ANKRD45: variants seen among roughly 807,000 people sequenced by gnomAD.
ANKRD45 encodes ankyrin repeat domain 45, also known as ankyrin repeat domain-containing protein 45.
In ANKRD45, 21 loss-of-function variants were observed where a neutral mutation model predicts 28.1. That is an observed-to-expected ratio of 0.75 (90% CI 0.53 to 1.08). ANKRD45 has a LOEUF of 1.08. Ranked by LOEUF, ANKRD45 falls within the 50% of genes least tolerant of loss-of-function variation. ANKRD45 has a pLI of 0.00. For synonymous variants in ANKRD45, 86 were observed against 103.9 expected, an observed-to-expected ratio of 0.83 and a Z score of 1.05; for missense variants, 261 against 308.7, an observed-to-expected ratio of 0.85 and a Z score of 1.16.
At chr1:173,691,353 G>C in the ANKRD45 span, among the ~76,000 whole-genome samples, 1 of 152,222 alleles carries the variant, frequency 6.6e-6, no homozygotes, top group Non-Finnish European at 1.5e-5. Context: ...CTCCTCACGA[G>C]AGTGAACCAG....
chr1:173,659,095 G>A lies in ANKRD45; in HGVS notation c.324C>T (p.Thr108=). The A allele has an allele frequency of 6.2e-7, 1 of 1,613,032 alleles. No homozygotes were observed. Among genetic ancestry groups the A allele is most frequent in the Non-Finnish European group, 8.5e-7 (1 of 1,179,422 alleles). ...GAGAGAAAAAAGACAAAATACCTCT[G>A]GTGGTTTTTTCATTCAGATTCACAC... ...KYGVNLNEKT[T]RGYTLLHCAA... is the part of the protein sequence containing the mutation. Residue 108 remains threonine, a synonymous_variant, in exon 2 of 6, where the codon ACC becomes ACT. Transcript: ENST00000333279.
chr1:173,656,282 GTTTC>G (rs1412417259), intron 2 of ANKRD45, among the ~76,000 whole-genome samples: 3 of 152,126 alleles, frequency 2.0e-5, no homozygotes, highest in Non-Finnish European at 2.9e-5. Flanking sequence ...CTTATTCCTA[GTTTC>G]TTTATCATTT....
chr1:173,664,971 A>G (rs954458786), intron 1 of ANKRD45, among the ~76,000 whole-genome samples: 7 of 152,172 alleles, frequency 4.6e-5, no homozygotes, highest in African/African-American at 7.2e-5. Flanking sequence ...TTTTGTAGGA[A>G]TAACACTAGA....
At chr1:173,688,022 A>T in the ANKRD45 span, among the ~76,000 whole-genome samples, 1 of 144,832 alleles carries the variant, frequency 6.9e-6, no homozygotes, top group African/African-American at 2.6e-5. Context: ...ATTGCCTCAT[A>T]CTTTCTTCTG....
intron 5 of ANKRD45, among the ~76,000 whole-genome samples, chr1:173,613,251 T>TGGGAGGTGA (rs1226897751): frequency 1.0e-4 from 15 of 150,674 alleles, no homozygotes; most frequent in African/African-American, 3.7e-4. Flanking sequence ...CGACCCCGTC[T>TGGGAGGTGA]GGGAGGTGAG....
At chr1:173,629,860 A>G (rs1291667397) in intron 3 of ANKRD45, among the ~76,000 whole-genome samples, 1 of 152,216 alleles carries the variant, frequency 6.6e-6, no homozygotes, top group Non-Finnish European at 1.5e-5. Flanking sequence ...GACTACCTCA[A>G]GGTATTTAGT....
chr1:173,658,579 T>A (rs1490329840), intron 2 of ANKRD45: 1 of 152,184 alleles, frequency 6.6e-6, no homozygotes, highest in African/African-American at 2.4e-5. Context: ...ATCTTTTTTT[T>A]ATTTTCTACC....
chr1:173,672,170 G>C (rs1347082650), upstream of ANKRD45, among the ~76,000 whole-genome samples: 1 of 152,052 alleles, frequency 6.6e-6, no homozygotes, highest in Non-Finnish European at 1.5e-5. Flanking sequence ...GAATAAATTT[G>C]AATTTTTTCA....
chr1:173,649,386 T>A (rs533655147), intron 2 of ANKRD45, among the ~76,000 whole-genome samples: 1 of 152,300 alleles, frequency 6.6e-6, no homozygotes, highest in South Asian at 2.1e-4. Context: ...CTGTCAAATA[T>A]TTAAATTTTT....
intron 1 of ANKRD45, among the ~76,000 whole-genome samples, chr1:173,664,283 GTC>G (rs1669913532): frequency 1.3e-5 from 2 of 152,164 alleles, no homozygotes; most frequent in South Asian, 4.1e-4. Context: ...TCTCAAAAGT[GTC>G]TGTTATTATT....
intron 5 of ANKRD45, among the ~76,000 whole-genome samples, chr1:173,612,011 A>G (rs1023234664): frequency 1.3e-5 from 2 of 152,206 alleles, no homozygotes; most frequent in Non-Finnish European, 2.9e-5. Context: ...TGGGAGGCCG[A>G]GGCAAGTAGA....
upstream of ANKRD45, among the ~76,000 whole-genome samples, chr1:173,670,946 G>A (rs1038406620): frequency 4.6e-5 from 7 of 152,188 alleles, no homozygotes; most frequent in Admixed American, 3.9e-4. Context: ...AAGATCGGGT[G>A]TCTGGTGAGC....
intron 1 of ANKRD45, chr1:173,667,538 C>T (rs1670076106): frequency 8.3e-6 from 2 of 239,558 alleles, no homozygotes; most frequent in Middle Eastern, 1.3e-3. Flanking sequence ...CCCGTCTCTA[C>T]TAAAAACACA....
At chr1:173,661,501 C>A (rs373246148) in intron 1 of ANKRD45, among the ~76,000 whole-genome samples, 1 of 152,114 alleles carries the variant, frequency 6.6e-6, no homozygotes, top group Non-Finnish European at 1.5e-5. Flanking sequence ...ATTCTGTAGA[C>A]AACTGGTAGA....
chr1:173,697,790 G>A, the ANKRD45 span, among the ~76,000 whole-genome samples: 1 of 152,182 alleles, frequency 6.6e-6, no homozygotes, highest in Non-Finnish European at 1.5e-5. Context: ...ACGTCATAAT[G>A]ACAGGATCAA....
the ANKRD45 span, among the ~76,000 whole-genome samples, chr1:173,678,331 C>T: frequency 1.3e-5 from 2 of 152,082 alleles, no homozygotes; most frequent in Admixed American, 6.6e-5. Flanking sequence ...ACTGGCAAAG[C>T]GAATGAAGCA....
intron 5 of ANKRD45, among the ~76,000 whole-genome samples, chr1:173,620,767 A>C (rs1378672247): frequency 6.6e-6 from 1 of 152,140 alleles, no homozygotes; most frequent in Non-Finnish European, 1.5e-5. Context: ...AAGAGCAAAC[A>C]AACCCCAAAG....
At chr1:173,635,707 A>G (rs1189853100) in intron 3 of ANKRD45, 23 of 1,535,606 alleles carry the variant, frequency 1.5e-5, no homozygotes, top group Non-Finnish European at 1.9e-5. Flanking sequence ...TGGATAAACT[A>G]TGCTGCGACT....
intron 3 of ANKRD45, among the ~76,000 whole-genome samples, chr1:173,629,373 GGT>G (rs1668085918): frequency 6.6e-6 from 1 of 152,034 alleles, no homozygotes; most frequent in Admixed American, 6.6e-5. Context: ...ATTCAAAATA[GGT>G]ATTTTGAGGA....
Sources: allele counts gnomAD v4.1 joint callset (sites outside exome capture counted in the v4.1 genomes callset), GRCh38; gene constraint gnomAD v4.1.1; transcripts MANE v1.5; gene names NCBI Gene and HGNC (gene_info 2026-07-23, HGNC 2026-07-21).